The following DLG2 variants were observed in gnomAD, a reference collection of about 807,000 sequenced individuals.
The protein encoded by DLG2 is disks large homolog 2.
A neutral mutation model predicts 132.5 loss-of-function variants in DLG2; 45 were observed. The ratio of observed to expected loss-of-function variants is 0.34; its 90% CI spans 0.27 to 0.44. The LOEUF (loss-of-function observed/expected upper bound fraction) is 0.44. Ranked by LOEUF, DLG2 falls within the 20% of genes least tolerant of loss-of-function variation. The pLI is 1.00. For missense variants in DLG2, 1,045 were observed against 1,196.9 expected (o/e 0.87, Z 1.87); for synonymous variants, 424 against 419.6 (o/e 1.01, Z -0.13).
chr11:85,618,726 C>T (rs1393343386), intron 2 of DLG2, among the ~76,000 whole-genome samples: 1 of 152,152 alleles, frequency 6.6e-6, no homozygotes, highest in Non-Finnish European at 1.5e-5. Flanking sequence ...AACAAATCAG[C>T]ACATGTACTC....
rs1051858296 is a variant in DLG2 at position 84,163,487 on chromosome 11, C to T, written c.598G>A (p.Glu200Lys). 2 of 1,606,238 alleles carry T rather than the reference C, an allele frequency of 1.2e-6. No individual in the cohort carries two copies. Among genetic ancestry groups the T allele is most frequent in the Non-Finnish European group, 1.7e-6 (2 of 1,177,190 alleles). ...PYVNGTEIEY[E>K]FEEITLERGN... Reference sequence around the variant, plus strand: ...CTCTCCAGTGTAATTTCTTCAAATTCATATTCAATTTCTGTCCCATTGACC... The same window carrying T: ...CTCTCCAGTGTAATTTCTTCAAATTTATATTCAATTTCTGTCCCATTGACC... Residue 200 changes from glutamate to lysine, a missense_variant, in exon 9 of 28, where the codon GAA (glutamate) becomes AAA (lysine). This residue lies in a region of DLG2 where 277 missense variants were observed against 238.2 expected (regional missense o/e 1.16). Transcript: ENST00000376104.
Position 83,721,464 on chromosome 11 carries a change from T to C in DLG2, c.1825+65226A>G, listed in dbSNP as rs80089188. 6.4e-3 allele frequency among the ~76,000 whole-genome samples: 977 copies of C among 152,298 alleles called. 8 individuals carry two copies. The highest frequency in any genetic ancestry group is 0.022 in the African/African-American group (926 of 41,552). ...ATTTCTACACAATAACACATGCGCA[T>C]CATCATCAGTGACTCACGTCAGTTC... On this transcript the variant is annotated intron_variant, in intron 18 of 27. Transcript: ENST00000376104.
At chr11:84,892,093 A>C (rs944438247) in intron 6 of DLG2, among the ~76,000 whole-genome samples, 1 of 152,222 alleles carries the variant, frequency 6.6e-6, no homozygotes, top group Non-Finnish European at 1.5e-5. Flanking sequence ...ATACTTGGGA[A>C]TATAATTGCA....
At chr11:84,669,801 C>T (rs547874039) in intron 6 of DLG2, among the ~76,000 whole-genome samples, 7 of 152,266 alleles carry the variant, frequency 4.6e-5, no homozygotes, top group Admixed American at 1.3e-4. Context: ...TCCTAAGTAC[C>T]TCCTTGGAGA....
intron 6 of DLG2, among the ~76,000 whole-genome samples, chr11:84,766,472 G>T (rs1317304920): frequency 6.6e-6 from 1 of 152,004 alleles, no homozygotes; most frequent in African/African-American, 2.4e-5. Context: ...AAATCAATTA[G>T]AATGGATGCT....
intron 6 of DLG2, among the ~76,000 whole-genome samples, chr11:84,557,246 G>C (rs959767412): frequency 2.6e-5 from 4 of 152,066 alleles, no homozygotes; most frequent in African/African-American, 4.8e-5. Flanking sequence ...GGCCTCATCT[G>C]ACCATTTGAA....
chr11:85,607,091 A>G (rs2080619657), intron 2 of DLG2, among the ~76,000 whole-genome samples: 2 of 152,308 alleles, frequency 1.3e-5, no homozygotes, highest in Admixed American at 1.3e-4. Context: ...CCTATCGCCA[A>G]GTGGTGAGTA....
intron 6 of DLG2, among the ~76,000 whole-genome samples, chr11:84,776,178 A>G (rs1032788827): frequency 2.6e-5 from 4 of 152,020 alleles, no homozygotes; most frequent in Non-Finnish European, 5.9e-5. Context: ...TGTTTGAGGC[A>G]AGTTATTGGT....
intron 6 of DLG2, among the ~76,000 whole-genome samples, chr11:84,983,694 C>T (rs546251926): frequency 4.7e-4 from 72 of 152,214 alleles, no homozygotes; most frequent in African/African-American, 1.3e-3. Context: ...TTAAGCTAAT[C>T]AGGGAGGCAC....
At chr11:84,976,123 A>T (rs1330338471) in intron 6 of DLG2, among the ~76,000 whole-genome samples, 1 of 152,166 alleles carries the variant, frequency 6.6e-6, no homozygotes, top group Non-Finnish European at 1.5e-5. Flanking sequence ...GAATGGTGAC[A>T]TTATATGGCA....
intron 6 of DLG2, among the ~76,000 whole-genome samples, chr11:84,733,985 C>G (rs1349559389): frequency 6.6e-6 from 1 of 152,046 alleles, no homozygotes; most frequent in African/African-American, 2.4e-5. Flanking sequence ...CTGTTCTGTT[C>G]CATTGGCCTA....
intron 9 of DLG2, among the ~76,000 whole-genome samples, chr11:84,119,316 C>G (rs1465213873): frequency 6.6e-6 from 1 of 152,056 alleles, no homozygotes; most frequent in East Asian, 1.9e-4. Context: ...TGCCTGAGGA[C>G]ATATTGCTCT....
rs75912543 is a variant in DLG2 at position 83,959,694 on chromosome 11, G to C, written c.1340+3191C>G. Among the ~76,000 whole-genome samples the C allele has an allele frequency of 2.4e-3, 359 of 152,192 alleles. 2 individuals carry two copies. The highest frequency in any genetic ancestry group is 8.5e-3 in the African/African-American group (353 of 41,542). On this transcript the variant is annotated intron_variant, in intron 14 of 27. Coordinates refer to ENST00000376104, the MANE Select transcript of DLG2 (RefSeq NM_001142699.3). The stretch of plus-strand genomic sequence containing the variant: ...GAACTGACTTGTTCAGAGTTATCTA[G>C]GTAGTAAGTGGTAGGACGAGCACTA...
intron 18 of DLG2, among the ~76,000 whole-genome samples, chr11:83,705,899 C>A (rs1340473522): frequency 6.6e-6 from 1 of 152,154 alleles, no homozygotes; most frequent in Admixed American, 6.5e-5. Flanking sequence ...CGCACACCAA[C>A]AAAAGTTTCA....
chr11:85,275,218 T>C (rs946683350), intron 4 of DLG2, among the ~76,000 whole-genome samples: 2 of 152,310 alleles, frequency 1.3e-5, no homozygotes, highest in Non-Finnish European at 1.5e-5. Flanking sequence ...CTAATTGCTT[T>C]GGGTTTTTTG....
chr11:85,174,473 A>C (rs189515347), intron 4 of DLG2, among the ~76,000 whole-genome samples: 1 of 152,322 alleles, frequency 6.6e-6, no homozygotes, highest in Non-Finnish European at 1.5e-5. Flanking sequence ...AGCAGTGTTA[A>C]AAGGGAAATT....
chr11:84,820,185 G>A (rs1016828175), intron 6 of DLG2, among the ~76,000 whole-genome samples: 3 of 151,678 alleles, frequency 2.0e-5, no homozygotes, highest in African/African-American at 7.3e-5. Flanking sequence ...TACCTCCCAA[G>A]ATTAAAATCT....
chr11:84,925,360 A>T (rs1029819199), intron 6 of DLG2, among the ~76,000 whole-genome samples: 1 of 152,144 alleles, frequency 6.6e-6, no homozygotes, highest in African/African-American at 2.4e-5. Flanking sequence ...TTTAGATACC[A>T]TTTTAATGTG....
chr11:85,493,272 T>TA (rs2093602747), intron 3 of DLG2, among the ~76,000 whole-genome samples: 1 of 152,134 alleles, frequency 6.6e-6, no homozygotes, highest in Non-Finnish European at 1.5e-5. Flanking sequence ...TGAATAAACT[T>TA]ACAACTACAC....
Sources: allele counts gnomAD v4.1 joint callset (sites outside exome capture counted in the v4.1 genomes callset), GRCh38; gene constraint gnomAD v4.1.1; regional missense constraint gnomAD v4.1.1; transcripts MANE v1.5; gene names NCBI Gene and HGNC (gene_info 2026-07-23, HGNC 2026-07-21).